FILIP1L: variants seen among roughly 807,000 people sequenced by gnomAD.
FILIP1L encodes the protein filamin A-interacting protein 1-like.
In FILIP1L, 55 loss-of-function variants were observed where a neutral mutation model predicts 96.6. That is an observed-to-expected ratio of 0.57 (90% CI 0.46 to 0.71). The LOEUF is 0.71. Ranked by LOEUF, FILIP1L falls within the 30% of genes least tolerant of loss-of-function variation. The pLI is 0.00. For synonymous variants in FILIP1L, 467 were observed against 473.9 expected (o/e 0.99, Z 0.19); for missense variants, 1,304 against 1,321.2 (o/e 0.99, Z 0.20).
At chr3:99,969,337 G>A (rs1316296054) in intron 1 of FILIP1L, among the ~76,000 whole-genome samples, 1 of 152,198 alleles carries the variant, frequency 6.6e-6, no homozygotes, top group Non-Finnish European at 1.5e-5. Flanking sequence ...TGGTAACATT[G>A]CTTAGTAAAA....
chr3:99,862,097 AATG>A (rs1944290794), intron 4 of FILIP1L, among the ~76,000 whole-genome samples: 1 of 152,334 alleles, frequency 6.6e-6, no homozygotes, highest in Admixed American at 6.5e-5. Flanking sequence ...ACCACAAAAA[AATG>A]ATAAGTATGT....
chr3:100,064,961 G>A (rs2065639044), intron 1 of FILIP1L, among the ~76,000 whole-genome samples: 2 of 152,158 alleles, frequency 1.3e-5, no homozygotes, highest in African/African-American at 4.8e-5. Context: ...ACTAACATAT[G>A]TTAAACACAC....
intron 1 of FILIP1L, among the ~76,000 whole-genome samples, chr3:100,004,322 T>C (rs909453044): frequency 2.9e-4 from 44 of 152,284 alleles, no homozygotes; most frequent in African/African-American, 8.2e-4. Flanking sequence ...TTGTGTATAA[T>C]GGTAGCTGAA....
intron 1 of FILIP1L, among the ~76,000 whole-genome samples, chr3:100,006,272 T>A (rs1289848733): frequency 1.3e-5 from 2 of 152,094 alleles, no homozygotes; most frequent in Non-Finnish European, 2.9e-5. Flanking sequence ...TTATTTAAAT[T>A]TTGTTTTTGT....
chr3:99,883,518 G>T (rs184407585), intron 4 of FILIP1L, among the ~76,000 whole-genome samples: 7 of 152,132 alleles, frequency 4.6e-5, no homozygotes, highest in African/African-American at 1.7e-4. Flanking sequence ...GTGAATGTGT[G>T]TGTTGGCTGG....
chr3:99,985,123 G>A (rs1182102116), intron 1 of FILIP1L, among the ~76,000 whole-genome samples: 1 of 152,130 alleles, frequency 6.6e-6, no homozygotes, highest in African/African-American at 2.4e-5. Context: ...TAGAAATAAA[G>A]TTCAAAAGTT....
At chr3:100,014,723 T>G (rs950060158) in intron 1 of FILIP1L, among the ~76,000 whole-genome samples, 2 of 151,956 alleles carry the variant, frequency 1.3e-5, no homozygotes, top group Non-Finnish European at 2.9e-5. Flanking sequence ...CTATATGTTT[T>G]GGATATTGGA....
At chr3:100,073,507 G>A (rs1036757748) in intron 1 of FILIP1L, among the ~76,000 whole-genome samples, 24 of 152,164 alleles carry the variant, frequency 1.6e-4, no homozygotes, top group Non-Finnish European at 4.4e-5. Flanking sequence ...CTTAGGTCAA[G>A]AAAACAGAAA....
intron 1 of FILIP1L, among the ~76,000 whole-genome samples, chr3:100,037,963 G>A (rs1402935822): frequency 7.9e-6 from 1 of 127,098 alleles, no homozygotes; most frequent in African/African-American, 3.0e-5. Flanking sequence ...TTTTGGGGGG[G>A]GAGGGAACAG....
intron 1 of FILIP1L, among the ~76,000 whole-genome samples, chr3:100,031,752 G>C (rs1426735815): frequency 1.3e-5 from 2 of 152,066 alleles, no homozygotes; most frequent in East Asian, 3.9e-4. Context: ...ACGTTTATTT[G>C]CCTCACTTTC....
intron 1 of FILIP1L, among the ~76,000 whole-genome samples, chr3:100,064,755 A>C (rs963136226): frequency 6.6e-6 from 1 of 152,272 alleles, no homozygotes; most frequent in Middle Eastern, 3.4e-3. Flanking sequence ...CATTCTAATA[A>C]GTTCCGTGTT....
In FILIP1L at chr3:99,968,429, GAA is replaced by G. The variant is rs1201793323; in HGVS notation, c.-10-37401_-10-37400del. ...GTCCTGAAAAACTATGTTTTTGGGG[GAA>G]AAAAAAAAAAAAGACTGAATGATAT... On this transcript the variant is annotated intron_variant, in intron 1 of 5. Coordinates refer to ENST00000477258, the MANE Select transcript of FILIP1L (RefSeq NM_001387850.1). 4.1e-3 allele frequency among the ~76,000 whole-genome samples: 607 copies of G among 148,592 alleles called. 7 individuals carry two copies. The highest frequency in any genetic ancestry group is 0.015 in the African/African-American group (594 of 40,474).
intron 3 of FILIP1L, among the ~76,000 whole-genome samples, chr3:99,925,442 C>T (rs1327702490): frequency 6.6e-6 from 1 of 152,104 alleles, no homozygotes; most frequent in African/African-American, 2.4e-5. Context: ...GAGTGCCTTG[C>T]TTATAAGAGG....
At chr3:100,096,832 T>G (rs2066217756) in intron 1 of FILIP1L, among the ~76,000 whole-genome samples, 1 of 152,210 alleles carries the variant, frequency 6.6e-6, no homozygotes. Flanking sequence ...TCCCATGATG[T>G]GATTATTATA....
At chr3:100,061,989 A>G (rs1369490942) in intron 1 of FILIP1L, among the ~76,000 whole-genome samples, 2 of 151,754 alleles carry the variant, frequency 1.3e-5, no homozygotes, top group East Asian at 3.9e-4. Flanking sequence ...CATCTCCACA[A>G]ACTTTTTCAT....
intron 5 of FILIP1L, among the ~76,000 whole-genome samples, chr3:99,841,361 A>G (rs1943122938): frequency 1.3e-5 from 2 of 152,224 alleles, no homozygotes; most frequent in South Asian, 4.1e-4. Flanking sequence ...GTGGCAGAAA[A>G]ATAATGTAGA....
chr3:99,988,341 C>CAAAAAAAAAA (rs63321762), intron 1 of FILIP1L, among the ~76,000 whole-genome samples: 43 of 62,146 alleles, frequency 6.9e-4, no homozygotes, highest in African/African-American at 1.5e-3. Flanking sequence ...ACTAAAAATC[C>CAAAAAAAAAA]AAAAAAAAAA....
chr3:100,070,369 T>A (rs370160614), intron 1 of FILIP1L, among the ~76,000 whole-genome samples: 106 of 152,354 alleles, frequency 7.0e-4, no homozygotes, highest in Middle Eastern at 6.8e-3. Flanking sequence ...TCTCTTCTAA[T>A]TAATGAAATT....
At chr3:99,892,152 A>G (rs989856074) in intron 4 of FILIP1L, among the ~76,000 whole-genome samples, 4 of 152,162 alleles carry the variant, frequency 2.6e-5, no homozygotes, top group Non-Finnish European at 4.4e-5. Context: ...TTCAAAGGGA[A>G]ACTGTTCTTA....
Sources: gnomAD v4.1 joint callset for allele counts (sites outside exome capture counted in the v4.1 genomes callset) on GRCh38, gnomAD v4.1.1 for gene constraint, MANE v1.5 for transcripts, NCBI Gene and HGNC (gene_info 2026-07-23, HGNC 2026-07-21) for gene names.